Variants in ADIPOR2 observed in about 807,000 individuals in gnomAD.
ADIPOR2 encodes adiponectin receptor 2.
In ADIPOR2, 18 loss-of-function variants were observed where a neutral mutation model predicts 40.9. That is an observed-to-expected ratio of 0.44 (90% CI 0.30 to 0.65). The LOEUF (loss-of-function observed/expected upper bound fraction) is 0.65. Among genes scored for constraint, ADIPOR2 ranks in the 30% least tolerant of loss-of-function variants. ADIPOR2 has a pLI of 0.09. For missense variants in ADIPOR2, 283 were observed against 479.2 expected (o/e 0.59, Z 3.82); for synonymous variants, 165 against 166.4 (o/e 0.99, Z 0.06).
intron 2 of ADIPOR2, among the ~76,000 whole-genome samples, chr12:1,768,476 A>G (rs556648491): frequency 3.9e-5 from 6 of 152,118 alleles, no homozygotes; most frequent in Non-Finnish European, 5.9e-5. Flanking sequence ...TATTTGGCTA[A>G]TTTAGCACTT....
intron 1 of ADIPOR2, among the ~76,000 whole-genome samples, chr12:1,713,680 TG>T (rs900919915): frequency 2.5e-4 from 38 of 152,090 alleles, no homozygotes; most frequent in African/African-American, 8.7e-4. Context: ...AATAAGGGTA[TG>T]GGACTTTCAG....
At chr12:1,717,687 G>A (rs2094690351) in intron 1 of ADIPOR2, among the ~76,000 whole-genome samples, 1 of 151,562 alleles carries the variant, frequency 6.6e-6, no homozygotes, top group Admixed American at 6.6e-5. Flanking sequence ...CCTGGGCAAT[G>A]AGAATGAAAT....
intron 2 of ADIPOR2, among the ~76,000 whole-genome samples, chr12:1,770,733 G>A (rs781518560): frequency 2.6e-5 from 4 of 152,120 alleles, no homozygotes; most frequent in Non-Finnish European, 5.9e-5. Flanking sequence ...TCTATTAAAC[G>A]TTAAATAAAA....
chr12:1,754,696 TTATTAC>T (rs777840299), intron 2 of ADIPOR2, among the ~76,000 whole-genome samples, 182 bp downstream of exon 2: 1,442 of 60,090 alleles, frequency 0.024, 7 homozygotes, highest in Non-Finnish European at 0.024. Flanking sequence ...TTTATTATTA[TTATTAC>T]TACTACTACT....
chr12:1,780,235 G>A, intron 4 of ADIPOR2: 1 of 450,852 alleles, frequency 2.2e-6, no homozygotes, highest in Non-Finnish European at 3.8e-6. Context: ...TTTATATTCT[G>A]TATATTCAGT....
chr12:1,727,012 G>C (rs2094709321), intron 1 of ADIPOR2, among the ~76,000 whole-genome samples: 1 of 152,068 alleles, frequency 6.6e-6, no homozygotes, highest in African/African-American at 2.4e-5. Flanking sequence ...AGTATATCTT[G>C]AATCTATCCT....
intron 1 of ADIPOR2, among the ~76,000 whole-genome samples, chr12:1,702,670 C>CGTAA (rs143386120): frequency 0.015 from 2,260 of 152,266 alleles, 49 homozygotes; most frequent in African/African-American, 0.053. Context: ...AAGTTCATTA[C>CGTAA]ATACTTCGAT....
At position 1,787,303 on chromosome 12, in the gene ADIPOR2, C is replaced by T. The variant is rs778670521; in HGVS notation, c.*1231C>T. The stretch of plus-strand genomic sequence containing the variant: ...TTTGGATTAGGAAAGATGAGTTTTA[C>T]CTCTGGTACACTGTCTTGGTAAGCC... On this transcript the variant is annotated 3_prime_UTR_variant, in exon 8 of 8. Transcript: ENST00000357103. 1 of 152,204 alleles carries T rather than the reference C, an allele frequency of 6.6e-6. No homozygotes were observed. The highest frequency in any genetic ancestry group is 1.5e-5 in the Non-Finnish European group (1 of 68,038). 9.4% of individuals were successfully genotyped at this position (152,204 alleles called of 1,614,324 possible). A position where few individuals can be genotyped will look rare whatever the true frequency, so the allele number is the denominator to read the frequency against.
intron 1 of ADIPOR2, among the ~76,000 whole-genome samples, chr12:1,748,616 A>G (rs554899515): frequency 6.6e-6 from 1 of 151,948 alleles, no homozygotes; most frequent in South Asian, 2.1e-4. Context: ...CTAAATTTAC[A>G]GGTTGAAGTT....
chr12:1,773,939 C>G (rs892909006), intron 3 of ADIPOR2, among the ~76,000 whole-genome samples: 3 of 152,108 alleles, frequency 2.0e-5, no homozygotes, highest in Non-Finnish European at 4.4e-5. Flanking sequence ...CATAGACATC[C>G]TTTCCAAGAC....
chr12:1,767,357 G>A (rs978115013), intron 2 of ADIPOR2, among the ~76,000 whole-genome samples: 15 of 150,188 alleles, frequency 1.0e-4, no homozygotes, highest in Non-Finnish European at 1.9e-4. Flanking sequence ...TTTCCATTAA[G>A]CTTTGATGGA....
intron 4 of ADIPOR2, among the ~76,000 whole-genome samples, chr12:1,779,697 C>T (rs1862675361): frequency 6.6e-6 from 1 of 152,148 alleles, no homozygotes; most frequent in Non-Finnish European, 1.5e-5. Context: ...TTCCTGCCTG[C>T]TAGTATAGTG....
rs1044471 is a variant in ADIPOR2 at position 1,787,790 on chromosome 12, C to T, written c.*1718C>T. 0.39 allele frequency: 58,881 copies of T among 152,128 alleles called. 12,407 individuals are homozygous for T. The highest frequency in any genetic ancestry group is 0.48 in the Non-Finnish European group (32,769 of 67,980). The allele number at this position is 152,128 out of a possible 1,614,324, so 9.4% of individuals were successfully genotyped here. ...AGAGTTTTCTCAGTTATTTTCCTCCCTTGCCCTTGCAATCTCCAGCAAAAG... is the reference window on the plus strand; with the variant it reads ...AGAGTTTTCTCAGTTATTTTCCTCCTTTGCCCTTGCAATCTCCAGCAAAAG... On this transcript the variant is annotated 3_prime_UTR_variant, in exon 8 of 8. Transcript: ENST00000357103.
At chr12:1,783,814 G>T in intron 6 of ADIPOR2, 66 bp from the exon 7 acceptor site, 1 of 1,349,596 alleles carries the variant, frequency 7.4e-7, no homozygotes, top group Non-Finnish European at 1.0e-6. Flanking sequence ...GTGCTGTGCT[G>T]TAATACTGAC....
At position 1,707,220 on chromosome 12, in the gene ADIPOR2, A is replaced by G. The variant is rs544980704; in HGVS notation, c.-87+16029A>G. 1.0e-3 allele frequency among the ~76,000 whole-genome samples: 156 copies of G among 152,326 alleles called. 2 individuals are homozygous for G. Among genetic ancestry groups the G allele is most frequent in the African/African-American group, 3.5e-3 (145 of 41,578 alleles). ...TTTGGCTATTATGATTAAAGTGGCA[A>G]TGAACATTGATGTACAAGTCTTTTT... On this transcript the variant is annotated intron_variant, in intron 1 of 7. Transcript: ENST00000357103.
At chr12:1,708,070 T>C (rs965038935) in intron 1 of ADIPOR2, among the ~76,000 whole-genome samples, 1 of 151,790 alleles carries the variant, frequency 6.6e-6, no homozygotes, top group Non-Finnish European at 1.5e-5. Context: ...TAAAAAATAA[T>C]ACAAATAAAA....
At chr12:1,764,451 G>A (rs995860498) in intron 2 of ADIPOR2, among the ~76,000 whole-genome samples, 4 of 151,994 alleles carry the variant, frequency 2.6e-5, no homozygotes, top group Non-Finnish European at 5.9e-5. Context: ...TTTGTACTCA[G>A]AGTGACCTAA....
chr12:1,695,030 T>TG (rs1565627535), intron 1 of ADIPOR2, among the ~76,000 whole-genome samples: 5 of 143,442 alleles, frequency 3.5e-5, no homozygotes, highest in Admixed American at 1.4e-4. Flanking sequence ...TTTTTTTTGT[T>TG]TTGTTTTTTT....
At chr12:1,779,811 A>C (rs1271370653) in intron 4 of ADIPOR2, among the ~76,000 whole-genome samples, 1 of 152,218 alleles carries the variant, frequency 6.6e-6, no homozygotes, top group Non-Finnish European at 1.5e-5. Flanking sequence ...TTGAAGTTGA[A>C]ATTTCTGTGC....
Sources: allele counts gnomAD v4.1 joint callset (sites outside exome capture counted in the v4.1 genomes callset), GRCh38; gene constraint gnomAD v4.1.1; transcripts MANE v1.5; gene names NCBI Gene and HGNC (gene_info 2026-07-23, HGNC 2026-07-21).